MARK4: variants seen among roughly 807,000 people sequenced by gnomAD.
MARK4 encodes microtubule affinity regulating kinase 4.
Under a neutral mutation model 81.5 loss-of-function variants are expected in MARK4, and 19 were observed. That is an observed-to-expected ratio of 0.23 (90% CI 0.16 to 0.34). The LOEUF is 0.34. Among genes scored for constraint, MARK4 ranks in the 10% least tolerant of loss-of-function variants. MARK4 has a pLI of 1.00. For missense variants in MARK4, 772 were observed against 1,058.8 expected (o/e 0.73, Z 3.76); for synonymous variants, 436 against 439.0 (o/e 0.99, Z 0.08).
chr19:45,295,185 T>C (rs1970870712), intron 14 of MARK4, among the ~76,000 whole-genome samples: 1 of 145,514 alleles, frequency 6.9e-6, no homozygotes, highest in Admixed American at 6.9e-5. Context: ...CCGTCTCTAC[T>C]AAAAATACCA....
In MARK4 at chr19:45,271,541, A is replaced by G. The variant is rs753441567; in HGVS notation, c.619A>G (p.Thr207Ala). Residue 207 changes from threonine to alanine, a missense_variant, in exon 8 of 17, where the codon ACG (threonine) becomes GCG (alanine). Transcript: ENST00000262891. This position sits in a 1 kb window ranked among gnomAD's most constrained non-coding sequence, Gnocchi z 4.1. The part of the protein sequence containing the change: ...IADFGFSNEF[T>A]LGSKLDTFCG... ...TGACTTTGGCTTCAGCAACGAGTTC[A>G]CGCTGGGATCGAAGCTGGACACGTT... is the stretch of plus-strand genomic sequence containing the variant. 38 of 1,614,142 alleles carry G rather than the reference A, an allele frequency of 2.4e-5. No individual in the cohort carries two copies. Among genetic ancestry groups the G allele is most frequent in the Non-Finnish European group, 3.1e-5 (37 of 1,180,052 alleles).
rs769144238 is a variant in MARK4 at position 45,271,456 on chromosome 19, C to G, written c.550-16C>G. On this transcript the variant is annotated splice_polypyrimidine_tract_variant and intron_variant, in intron 7 of 16. Transcript: ENST00000262891. This position sits in a 1 kb window ranked among gnomAD's most constrained non-coding sequence, Gnocchi z 4.1. ...CCTTGAGTCCCACTTTCCGCCCTCT[C>G]CTTCTCTCCCTGCAGGCTGAGAACC... 3.1e-6 allele frequency: 5 copies of G among 1,612,264 alleles called. No homozygotes were observed. The Admixed American group carries it at 8.3e-5, about 27-fold the overall frequency.
chr19:45,275,474 G>A (rs1970586162), intron 8 of MARK4, among the ~76,000 whole-genome samples: 1 of 148,830 alleles, frequency 6.7e-6, no homozygotes, highest in Admixed American at 6.7e-5. Flanking sequence ...GACAGAACAA[G>A]AGCCTGTCTC....
chr19:45,251,425 C>T lies in MARK4; in HGVS notation c.-164C>T. On this transcript the variant is annotated 5_prime_UTR_variant, in exon 1 of 17. Transcript: ENST00000262891. The stretch of plus-strand genomic sequence containing the variant: ...ACTAGGACCCTCGGCGTCCCTTCCC[C>T]TCCCCCGCCCTGCCCCCTCTCCCGC... The T allele has an allele frequency of 2.1e-6, 1 of 474,292 alleles. No individual in the cohort carries two copies. Among genetic ancestry groups the T allele is most frequent in the South Asian group, 3.2e-5 (1 of 31,366 alleles). 29.4% of individuals were successfully genotyped at this position (474,292 alleles called of 1,614,324 possible). A position where few individuals can be genotyped will look rare whatever the true frequency, so the allele number is the denominator to read the frequency against.
rs190148885 is a variant in MARK4 at position 45,275,089 on chromosome 19, C to T, written c.787-2834C>T. Among the ~76,000 whole-genome samples the T allele has an allele frequency of 1.2e-3, 189 of 152,214 alleles. 1 individual carries two copies. The highest frequency in any genetic ancestry group is 2.2e-3 in the Non-Finnish European group (150 of 68,002). On this transcript the variant is annotated intron_variant, in intron 8 of 16. Coordinates refer to ENST00000262891, the MANE Select transcript of MARK4 (RefSeq NM_001199867.2). ...CAGCCTGGCCAACATGGTGAAACCC[C>T]GTCTCTACTAAAAATACAAAAAGTA... is the stretch of plus-strand genomic sequence containing the variant.
At chr19:45,293,349 G>A (rs1363566682) in intron 13 of MARK4, among the ~76,000 whole-genome samples, 1 of 152,154 alleles carries the variant, frequency 6.6e-6, no homozygotes, top group African/African-American at 2.4e-5. Context: ...TGAATCACCA[G>A]TATCCACAAT....
chr19:45,286,933 G>A (rs976852990), intron 12 of MARK4, among the ~76,000 whole-genome samples: 2 of 151,954 alleles, frequency 1.3e-5, no homozygotes, highest in Non-Finnish European at 2.9e-5. Flanking sequence ...ATTCTGTACT[G>A]GTGCATAAAG....
intron 15 of MARK4, among the ~76,000 whole-genome samples, chr19:45,298,663 C>A (rs1361424784): frequency 6.6e-6 from 1 of 152,114 alleles, no homozygotes; most frequent in Non-Finnish European, 1.5e-5. Context: ...GCAAAATGTA[C>A]AAAACTCCTG....
chr19:45,275,445 A>G (rs982680353), intron 8 of MARK4, among the ~76,000 whole-genome samples: 2 of 151,788 alleles, frequency 1.3e-5, no homozygotes, highest in Non-Finnish European at 2.9e-5. Context: ...TGATCACGCC[A>G]CTGCACTCCA....
In MARK4 at chr19:45,302,242, G is replaced by A; in HGVS notation, c.1923-132G>A. ...CTGTATCCAGTTGAAACTGTCGCTG[G>A]GGTAACAGGGGAAGATGTTTTTTGA... On this transcript the variant is annotated intron_variant, in intron 16 of 16. Transcript: ENST00000262891. The surrounding 1 kb of genome is among the most constrained non-coding windows in gnomAD (Gnocchi z 4.9). 6.5e-7 allele frequency: 1 copy of A among 1,541,192 alleles called. No homozygotes were observed. Among genetic ancestry groups the A allele is most frequent in the Non-Finnish European group, 8.7e-7 (1 of 1,144,196 alleles).
At chr19:45,291,091 C>T (rs555309533) in intron 13 of MARK4, among the ~76,000 whole-genome samples, 2 of 152,134 alleles carry the variant, frequency 1.3e-5, no homozygotes, top group African/African-American at 4.8e-5. Flanking sequence ...TCCCCAGCCC[C>T]GAGACCTGGA....
chr19:45,254,255 G>T (rs1414406836), intron 1 of MARK4, among the ~76,000 whole-genome samples: 1 of 152,152 alleles, frequency 6.6e-6, no homozygotes, highest in Non-Finnish European at 1.5e-5. Context: ...GCCAATTTTA[G>T]CTCCCACCCC....
At chr19:45,255,745 C>A (rs1970299492) in intron 1 of MARK4, among the ~76,000 whole-genome samples, 1 of 152,220 alleles carries the variant, frequency 6.6e-6, no homozygotes, top group Non-Finnish European at 1.5e-5. Flanking sequence ...CAGTGTCTTT[C>A]TCAGAGACTT....
At position 45,304,300 on chromosome 19, in the gene MARK4, A is replaced by C. The variant is rs554502323; in HGVS notation, c.*1590A>C. ...AGCAAAAGTCCCAGGGCAGACTCTCATTGGCCCAAATGGGCCATGTGATTT... is the reference window on the plus strand; with the variant it reads ...AGCAAAAGTCCCAGGGCAGACTCTCCTTGGCCCAAATGGGCCATGTGATTT... On this transcript the variant is annotated 3_prime_UTR_variant, in exon 17 of 17. Transcript: ENST00000262891. The C allele has an allele frequency of 1.3e-5, 2 of 152,316 alleles. No individual in the cohort carries two copies. Among genetic ancestry groups the C allele is most frequent in the South Asian group, 2.1e-4 (1 of 4,828 alleles). 9.4% of individuals were successfully genotyped at this position (152,316 alleles called of 1,614,324 possible).
intron 1 of MARK4, among the ~76,000 whole-genome samples, chr19:45,254,497 T>A (rs1304249185): frequency 6.6e-6 from 1 of 152,222 alleles, no homozygotes; most frequent in Non-Finnish European, 1.5e-5. Flanking sequence ...TGGGGAAGCC[T>A]GGCTCAGCAC....
chr19:45,278,229 AC>A (rs890990305), intron 9 of MARK4, among the ~76,000 whole-genome samples, 187 bp downstream of exon 9: 6 of 150,832 alleles, frequency 4.0e-5, no homozygotes, highest in East Asian at 3.9e-4. Context: ...TCCTGACGCC[AC>A]CCCCCCGACA....
intron 13 of MARK4, among the ~76,000 whole-genome samples, chr19:45,289,726 C>T (rs576471162): frequency 2.7e-5 from 4 of 150,528 alleles, no homozygotes; most frequent in East Asian, 2.0e-4. Context: ...GCCGAGATCA[C>T]GCCACTGCAC....
At chr19:45,277,479 G>C (rs926043741) in intron 8 of MARK4, among the ~76,000 whole-genome samples, 4 of 139,732 alleles carry the variant, frequency 2.9e-5, no homozygotes, top group African/African-American at 1.1e-4. Context: ...TGTTCAGGCT[G>C]GTCTTGAACT....
At chr19:45,281,318 G>T (rs1157385689) in intron 12 of MARK4, among the ~76,000 whole-genome samples, 4 of 149,602 alleles carry the variant, frequency 2.7e-5, no homozygotes, top group Non-Finnish European at 5.9e-5. Flanking sequence ...CAAAGTGCTG[G>T]CATTACAGGT....
Sources: allele counts gnomAD v4.1 joint callset (sites outside exome capture counted in the v4.1 genomes callset), GRCh38; gene constraint gnomAD v4.1.1; non-coding constraint Gnocchi (gnomAD v3.1); transcripts MANE v1.5; gene names NCBI Gene and HGNC (gene_info 2026-07-23, HGNC 2026-07-21).